The following RRM1 variants were observed in gnomAD, a reference collection of about 807,000 sequenced individuals.
The protein encoded by RRM1 is ribonucleoside-diphosphate reductase large subunit.
Under a neutral mutation model 101.5 loss-of-function variants are expected in RRM1, and 19 were observed. The ratio of observed to expected loss-of-function variants is 0.19; its 90% CI spans 0.13 to 0.27. The LOEUF (loss-of-function observed/expected upper bound fraction) is 0.27. RRM1 is among the 10% of genes least tolerant of loss of function. RRM1 has a pLI of 1.00. For synonymous variants in RRM1, 298 were observed against 323.4 expected, an observed-to-expected ratio of 0.92 and a Z score of 0.84; for missense variants, 500 against 962.9, an observed-to-expected ratio of 0.52 and a Z score of 6.36.
rs2094590348 is a variant in RRM1, at chr11:4,126,817, A to G, written c.1454A>G (p.Tyr485Cys). The change falls in exon 13 of 19, where the codon TAC (tyrosine) becomes TGC (cysteine). Residue 485 changes from tyrosine to cysteine, a missense_variant. Around this residue, in one of 9 missense-constraint regions of RRM1, gnomAD observed 106 missense variants for 138.1 expected, o/e 0.77. Transcript: ENST00000300738. ...TTGAATAAAATTATTGATATAAACT[A>G]CTATCCTGTACCAGAGGTATGAATA... is the stretch of plus-strand genomic sequence containing the variant. ...RNLNKIIDIN[Y>C]YPVPEACLSN... 18 of 1,610,414 alleles carry G rather than the reference A, an allele frequency of 1.1e-5. No individual in the cohort carries two copies. Among genetic ancestry groups the G allele is most frequent in the East Asian group, 2.2e-5 (1 of 44,862 alleles).
chr11:4,121,229 T>C (rs1248778931), intron 9 of RRM1, among the ~76,000 whole-genome samples: 2 of 152,190 alleles, frequency 1.3e-5, no homozygotes, highest in Admixed American at 6.5e-5. Flanking sequence ...GATCAACTTT[T>C]TGACCTACAA....
chr11:4,128,668 CT>C (rs1248263378), intron 14 of RRM1, among the ~76,000 whole-genome samples: 7 of 152,140 alleles, frequency 4.6e-5, no homozygotes, highest in African/African-American at 1.7e-4. Flanking sequence ...AATTTCATTT[CT>C]GACATTCCTG....
At chr11:4,096,345 C>G (rs868051734) in intron 1 of RRM1, among the ~76,000 whole-genome samples, 1 of 152,130 alleles carries the variant, frequency 6.6e-6, no homozygotes, top group African/African-American at 2.4e-5. Flanking sequence ...TAGCACAGGA[C>G]CTGACATGAA....
intron 7 of RRM1, among the ~76,000 whole-genome samples, chr11:4,117,706 C>A (rs149877569): frequency 1.3e-5 from 2 of 152,246 alleles, no homozygotes; most frequent in African/African-American, 4.8e-5. Flanking sequence ...CTATATTTTT[C>A]TGAATGTCTG....
intron 2 of RRM1, chr11:4,105,578 C>T (rs1190509639): frequency 2.2e-4 from 61 of 281,708 alleles, no homozygotes; most frequent in East Asian, 9.7e-4. Context: ...TTTTTCTTTC[C>T]TTTTTTTTTT....
chr11:4,137,489 C>CG (rs1260014295), intron 18 of RRM1, among the ~76,000 whole-genome samples: 9 of 101,536 alleles, frequency 8.9e-5, no homozygotes, highest in Non-Finnish European at 1.7e-4. Context: ...GCTGGCCGGG[C>CG]CGGGGGCTGA....
Position 4,118,334 on chromosome 11 carries a change from G to C in RRM1, c.665G>C (p.Ser222Thr), listed in dbSNP as rs775205836. The change falls in exon 8 of 19, where the codon AGT (serine) becomes ACT (threonine). Residue 222 changes from serine to threonine, a missense_variant. Ser to Thr is a moderately conservative substitution (Grantham distance 58). Coordinates refer to ENST00000300738, the MANE Select transcript of RRM1 (RefSeq NM_001033.5). ...RPQLSSCFLL[S>T]MKDDSIEGIY... The stretch of plus-strand genomic sequence containing the variant: ...TTCCCCCGTAGCTGTTTTCTTCTGA[G>C]TATGAAAGATGACAGCATTGAAGGC... 4.2e-5 allele frequency: 68 copies of C among 1,612,640 alleles called. No homozygotes were observed. Among genetic ancestry groups the C allele is most frequent in the Non-Finnish European group, 5.2e-5 (61 of 1,179,460 alleles).
intron 9 of RRM1, among the ~76,000 whole-genome samples, chr11:4,120,331 T>A (rs1435048295): frequency 6.6e-6 from 1 of 152,206 alleles, no homozygotes; most frequent in Admixed American, 6.5e-5. Context: ...CATATAAATT[T>A]GTTACTTGAA....
At chr11:4,134,841 C>T (rs775536179) in intron 17 of RRM1, among the ~76,000 whole-genome samples, 2 of 151,968 alleles carry the variant, frequency 1.3e-5, no homozygotes, top group Non-Finnish European at 2.9e-5. Context: ...TTATGACCAA[C>T]AAAAAAGGGA....
chr11:4,129,026 C>A, intron 14 of RRM1, 48 bp from the exon 15 acceptor site: 28 of 884,062 alleles, frequency 3.2e-5, no homozygotes, highest in South Asian at 4.3e-5. Context: ...TTTTTTTGGT[C>A]ATAGTTTTAA....
At position 4,106,180 on chromosome 11, in the gene RRM1, C is replaced by A. The variant is rs370659818; in HGVS notation, c.243C>A (p.Ile81=). ...ACTATGCTATCCTGGCAGCCAGGAT[C>A]GCTGTCTCTAACTTGCACAAAGAAA... ...HPDYAILAAR[I]AVSNLHKETK... Residue 81 remains isoleucine (I), a synonymous_variant, in exon 3 of 19, where the codon ATC becomes ATA. Transcript: ENST00000300738. 1.2e-6 allele frequency: 2 copies of A among 1,613,802 alleles called. No individual in the cohort carries two copies. The highest frequency in any genetic ancestry group is 1.7e-6 in the Non-Finnish European group (2 of 1,179,890).
chr11:4,096,933 G>C (rs2094544350), intron 1 of RRM1, among the ~76,000 whole-genome samples: 1 of 151,858 alleles, frequency 6.6e-6, no homozygotes, highest in Non-Finnish European at 1.5e-5. Flanking sequence ...TCAACCCTGT[G>C]TTGAATTTTG....
rs148378638 is a variant in RRM1, at chr11:4,105,642, A to G, written c.109-404A>G. On this transcript the variant is annotated intron_variant, in intron 2 of 18. Coordinates refer to ENST00000300738, the MANE Select transcript of RRM1 (RefSeq NM_001033.5). Reference sequence around the variant, plus strand: ...GCCACCCAGGCTGGAGTGCAGTGGCATAATCACAGCTCATTGCAGCCTCAG... The same window carrying G: ...GCCACCCAGGCTGGAGTGCAGTGGCGTAATCACAGCTCATTGCAGCCTCAG... 1.8e-5 allele frequency: 7 copies of G among 396,178 alleles called. No individual in the cohort carries two copies. The East Asian group carries it at 4.8e-4, about 27-fold the overall frequency. 24.5% of individuals were successfully genotyped at this position (396,178 alleles called of 1,614,324 possible).
chr11:4,106,371 G>A (rs1356940527), intron 3 of RRM1, 148 bp downstream of exon 3: 1 of 668,608 alleles, frequency 1.5e-6, no homozygotes, highest in Non-Finnish European at 2.6e-6. Flanking sequence ...GGCCAAGGCA[G>A]GCAAATCGCT....
Position 4,130,086 on chromosome 11 carries a change from AT to A in RRM1, c.1769+954del, listed in dbSNP as rs796657105. Among the ~76,000 whole-genome samples, 526 of 99,446 alleles carry A rather than the reference AT, an allele frequency of 5.3e-3. 7 individuals carry two copies. The highest frequency in any genetic ancestry group is 0.02 in the African/African-American group (369 of 18,646). 65.2% of individuals were successfully genotyped at this position (99,446 alleles called of 152,430 possible). A position where few individuals can be genotyped will look rare whatever the true frequency, so the allele number is the denominator to read the frequency against. On this transcript the variant is annotated intron_variant, in intron 15 of 18. Transcript: ENST00000300738. ...TGTATTTATATATATATATATATATATTTTTTTTTTTTTTTTTTCCCCTCAA... is the reference window on the plus strand; with the variant it reads ...TGTATTTATATATATATATATATATATTTTTTTTTTTTTTTTTCCCCTCAA...
intron 17 of RRM1, among the ~76,000 whole-genome samples, chr11:4,134,607 AC>A (rs2094605947): frequency 6.6e-6 from 1 of 151,964 alleles, no homozygotes; most frequent in Non-Finnish European, 1.5e-5. Flanking sequence ...GCCTAAGAAA[AC>A]CTGATTTTGG....
chr11:4,098,891 G>A (rs1000524242), intron 1 of RRM1, among the ~76,000 whole-genome samples: 1 of 152,178 alleles, frequency 6.6e-6, no homozygotes, highest in Admixed American at 6.5e-5. Flanking sequence ...AAATAACCTT[G>A]GATTGGGTAG....
chr11:4,112,337 G>C (rs1185090478), intron 7 of RRM1, among the ~76,000 whole-genome samples: 2 of 152,098 alleles, frequency 1.3e-5, no homozygotes, highest in African/African-American at 4.8e-5. Context: ...TTTAAATGGG[G>C]AATTATATTA....
intron 3 of RRM1, 49 bp downstream of exon 3, chr11:4,106,272 TA>T (rs754619857): frequency 1.4e-6 from 2 of 1,432,226 alleles, no homozygotes; most frequent in African/African-American, 2.8e-5. Context: ...AGAAAAGTAA[TA>T]AGGGTACTAG....
Sources: allele counts gnomAD v4.1 joint callset (sites outside exome capture counted in the v4.1 genomes callset), GRCh38; gene constraint gnomAD v4.1.1; regional missense constraint gnomAD v4.1.1; transcripts MANE v1.5; gene names NCBI Gene and HGNC (gene_info 2026-07-23, HGNC 2026-07-21).